The following TVP23A variants were observed in gnomAD, a reference collection of about 807,000 sequenced individuals.
The protein encoded by TVP23A is trans-golgi network vesicle protein 23 homolog A.
TVP23A carries 21 observed loss-of-function variants against 31.7 expected under a neutral mutation model. The ratio of observed to expected loss-of-function variants is 0.66; its 90% confidence interval spans 0.47 to 0.95. The LOEUF is 0.95. Among genes scored for constraint, TVP23A ranks in the 40% least tolerant of loss-of-function variants. TVP23A has a pLI of 0.00. For missense variants in TVP23A, 279 were observed against 255.6 expected, an observed-to-expected ratio of 1.09 and a Z score of -0.62; for synonymous variants, 104 against 96.0, an observed-to-expected ratio of 1.08 and a Z score of -0.49.
At chr16:10,773,216 C>A in intron 5 of TVP23A, 97 bp downstream of exon 5, 1 of 1,381,530 alleles carries the variant, frequency 7.2e-7, no homozygotes, top group Non-Finnish European at 9.8e-7. Flanking sequence ...TATAATTGAT[C>A]AATCAATCAA....
At chr16:10,815,360 C>T (rs376712969) in intron 2 of TVP23A, among the ~76,000 whole-genome samples, 29 of 152,278 alleles carry the variant, frequency 1.9e-4, no homozygotes, top group South Asian at 6.2e-4. Flanking sequence ...TGTAGTGAGC[C>T]GAGATTGCAC....
At chr16:10,785,406 A>G (rs1012509118) in intron 2 of TVP23A, among the ~76,000 whole-genome samples, 2 of 152,072 alleles carry the variant, frequency 1.3e-5, no homozygotes, top group Non-Finnish European at 1.5e-5. Context: ...TCCATCTCAA[A>G]AAAAAAAAGA....
At chr16:10,806,280 T>C (rs1020109927) in intron 2 of TVP23A, among the ~76,000 whole-genome samples, 4 of 151,298 alleles carry the variant, frequency 2.6e-5, no homozygotes, top group Non-Finnish European at 5.9e-5. Flanking sequence ...GAGGTGGAGG[T>C]TGCAGTGAGC....
downstream of TVP23A, among the ~76,000 whole-genome samples, chr16:10,764,621 G>A (rs1392450541): frequency 1.3e-5 from 2 of 151,252 alleles, no homozygotes; most frequent in Non-Finnish European, 2.9e-5. Context: ...GAGTATGTCA[G>A]TCTATTGGAG....
downstream of TVP23A, among the ~76,000 whole-genome samples, chr16:10,762,508 C>T (rs11641556): frequency 0.26 from 38,769 of 152,034 alleles, 6,220 homozygotes; most frequent in Middle Eastern, 0.44. Context: ...GGCCTACACT[C>T]GAAGCTGCTC....
Position 10,779,817 on chromosome 16 carries a change from G to A in TVP23A, c.90-4721C>T, listed in dbSNP as rs1380789779. ...TAAAATAAGTGATTGGCCGGGGGCG[G>A]TGGCTCACGCCTGTAATCCCCAGCC... On this transcript the variant is annotated intron_variant, in intron 2 of 7. Transcript: ENST00000299866. The surrounding 1 kb of genome is among the most constrained non-coding windows in gnomAD (Gnocchi z 4.9). 6.6e-6 allele frequency among the ~76,000 whole-genome samples: 1 copy of A among 152,208 alleles called. No individual in the cohort carries two copies. Among genetic ancestry groups the A allele is most frequent in the Non-Finnish European group, 1.5e-5 (1 of 68,038 alleles).
rs1018095787 is a variant in TVP23A at position 10,768,237 on chromosome 16, G to A, written c.*865C>T. The stretch of plus-strand genomic sequence containing the variant: ...ATTCATAGTTTAAAAAACATGGTGA[G>A]GGTGAAATTTATGGCTTAGGAAATA... On this transcript the variant is annotated 3_prime_UTR_variant, in exon 8 of 8. Coordinates refer to ENST00000299866, the MANE Select transcript of TVP23A (RefSeq NM_001079512.4). This position sits in a 1 kb window ranked among gnomAD's most constrained non-coding sequence, Gnocchi z 4.3. 1.6e-5 allele frequency: 7 copies of A among 438,778 alleles called. No individual in the cohort carries two copies. Among genetic ancestry groups the A allele is most frequent in the Admixed American group, 3.9e-5 (1 of 25,514 alleles). The allele number at this position is 438,778 out of a possible 1,614,324, so 27.2% of individuals were successfully genotyped here.
chr16:10,773,719 T>G (rs1230569806), intron 4 of TVP23A, among the ~76,000 whole-genome samples: 1 of 152,030 alleles, frequency 6.6e-6, no homozygotes, highest in African/African-American at 2.4e-5. Context: ...TACAGGTGCC[T>G]GCCACCACGC....
chr16:10,798,545 C>T (rs977397981), intron 2 of TVP23A, among the ~76,000 whole-genome samples: 19 of 152,150 alleles, frequency 1.2e-4, no homozygotes, highest in South Asian at 2.1e-4. Flanking sequence ...CGTGTAGTCA[C>T]GTCTCACAAT....
intron 2 of TVP23A, among the ~76,000 whole-genome samples, chr16:10,798,181 G>T (rs373454090): frequency 1.3e-5 from 2 of 151,612 alleles, no homozygotes; most frequent in East Asian, 3.9e-4. Flanking sequence ...GGATGGTCTC[G>T]ATCTCCTGAC....
At chr16:10,763,314 G>T (rs531778341), downstream of TVP23A, among the ~76,000 whole-genome samples, 4 of 152,184 alleles carry the variant, frequency 2.6e-5, no homozygotes, top group African/African-American at 9.6e-5. Flanking sequence ...GGAGCCAGGA[G>T]GACAGTGTTG....
chr16:10,762,078 A>G, downstream of TVP23A: 1 of 490,020 alleles, frequency 2.0e-6, no homozygotes, highest in Admixed American at 3.4e-5. Context: ...GGCCTCAGGC[A>G]GAGGGGTGAG....
At chr16:10,810,471 C>T (rs141490335) in intron 2 of TVP23A, among the ~76,000 whole-genome samples, 5 of 149,922 alleles carry the variant, frequency 3.3e-5, no homozygotes, top group African/African-American at 9.8e-5. Context: ...CAATTGAGCC[C>T]GGGAGGTGGA....
chr16:10,807,901 T>G (rs1316842412), intron 2 of TVP23A, among the ~76,000 whole-genome samples: 2 of 152,076 alleles, frequency 1.3e-5, no homozygotes. Flanking sequence ...TTTTTAGAGG[T>G]GGGTTCTTGC....
exon 9 of TVP23A, chr16:10,761,424 A>G (rs770765119): frequency 6.2e-6 from 10 of 1,614,020 alleles, no homozygotes; most frequent in Non-Finnish European, 8.5e-6. Flanking sequence ...GAAGCTGCCC[A>G]TCATCGGGGT....
chr16:10,766,617 G>A (rs567159677), downstream of TVP23A: 13 of 197,152 alleles, frequency 6.6e-5, no homozygotes, highest in South Asian at 1.9e-4. This position sits in a 1 kb window ranked among gnomAD's most constrained non-coding sequence, Gnocchi z 4.8. Flanking sequence ...CAGCGTTAAC[G>A]GCGGAGGATG....
chr16:10,770,438 A>G (rs1182867226), intron 6 of TVP23A, 107 bp from the exon 7 acceptor site: 2 of 1,283,342 alleles, frequency 1.6e-6, no homozygotes, highest in Non-Finnish European at 2.1e-6. Context: ...AACCTGCGGA[A>G]TTGGTTGCTT....
At chr16:10,770,730 G>T (rs947485520) in intron 6 of TVP23A, among the ~76,000 whole-genome samples, 1 of 151,698 alleles carries the variant, frequency 6.6e-6, no homozygotes, top group Non-Finnish European at 1.5e-5. Context: ...AATTAGCCAG[G>T]CATGGTGTTA....
downstream of TVP23A, among the ~76,000 whole-genome samples, chr16:10,759,297 G>A (rs554750862): frequency 2.6e-5 from 4 of 152,290 alleles, no homozygotes; most frequent in East Asian, 1.9e-4. This position sits in a 1 kb window ranked among gnomAD's most constrained non-coding sequence, Gnocchi z 4.7. Flanking sequence ...AAGGGTGTCC[G>A]GGTCAGAAAA....
Sources: gnomAD v4.1 joint callset for allele counts (sites outside exome capture counted in the v4.1 genomes callset) on GRCh38, gnomAD v4.1.1 for gene constraint, Gnocchi (gnomAD v3.1) non-coding constraint, MANE v1.5 for transcripts, NCBI Gene and HGNC (gene_info 2026-07-23, HGNC 2026-07-21) for gene names.